The following PLXDC2 variants were observed in gnomAD, a reference collection of about 807,000 sequenced individuals.
PLXDC2 encodes plexin domain-containing protein 2.
PLXDC2 carries 40 observed loss-of-function variants against 68.9 expected under a neutral mutation model. The ratio of observed to expected loss-of-function variants is 0.58; its 90% CI spans 0.45 to 0.76. PLXDC2 has a LOEUF of 0.76. Among genes scored for constraint, PLXDC2 ranks in the 30% least tolerant of loss-of-function variants. PLXDC2 has a pLI of 0.00. For synonymous variants in PLXDC2, 243 were observed against 234.2 expected (o/e 1.04, Z -0.34); for missense variants, 644 against 661.9 (o/e 0.97, Z 0.30).
rs1479196027 is a variant in PLXDC2, at chr10:20,162,038, AAGAAAGAGAG to A, written c.784-2426_784-2417del. Among the ~76,000 whole-genome samples the A allele has an allele frequency of 8.5e-4, 37 of 43,466 alleles. 1 individual carries two copies. Among genetic ancestry groups the A allele is most frequent in the South Asian group, 2.3e-3 (4 of 1,736 alleles). The allele number at this position is 43,466 out of a possible 152,430, so 28.5% of individuals were successfully genotyped here. A position where few individuals can be genotyped will look rare whatever the true frequency, so the allele number is the denominator to read the frequency against. On this transcript the variant is annotated intron_variant, in intron 6 of 13. Coordinates refer to ENST00000377252, the MANE Select transcript of PLXDC2 (RefSeq NM_032812.9). ...ACTCTGTCAGAAAAAGAAAGAAAGA[AAGAAAGAGAG>A]AGAGAGAGAGAGAGAGAGAGAGAGA...
chr10:20,243,088 T>G (rs1835539245), intron 12 of PLXDC2, among the ~76,000 whole-genome samples: 1 of 152,324 alleles, frequency 6.6e-6, no homozygotes, highest in African/African-American at 2.4e-5. Flanking sequence ...CAGAATTATT[T>G]CCTAGAAGAA....
intron 6 of PLXDC2, among the ~76,000 whole-genome samples, chr10:20,160,404 A>G (rs1345792218): frequency 6.6e-6 from 1 of 151,764 alleles, no homozygotes; most frequent in East Asian, 1.9e-4. Flanking sequence ...CCTAACTTCT[A>G]CTCTCCTTAC....
chr10:20,233,844 A>G (rs141058043), intron 12 of PLXDC2, among the ~76,000 whole-genome samples: 15 of 152,188 alleles, frequency 9.9e-5, no homozygotes, highest in African/African-American at 3.4e-4. Context: ...AGAGGCAGGC[A>G]TGGTCTAACT....
At chr10:19,967,312 A>C (rs955647198) in intron 1 of PLXDC2, among the ~76,000 whole-genome samples, 1 of 152,196 alleles carries the variant, frequency 6.6e-6, no homozygotes. Flanking sequence ...CCTAGAACAC[A>C]GAAAGATGGT....
At position 20,279,742 on chromosome 10, in the gene PLXDC2, G is replaced by A; in HGVS notation, c.1513G>A (p.Gly505Ser). ...ATGGCCTGCGATGAAGTTTAGAAGA[G>A]GCTCTGGACATCCTGCCTATGCTGA... The part of the protein sequence containing the change: ...SRWPAMKFRR[G>S]SGHPAYAEVE... Residue 505 changes from glycine to serine, a missense_variant, in exon 14 of 14, where the codon GGC (glycine) becomes AGC (serine). This residue lies in a region of PLXDC2 where 330 missense variants were observed against 327.9 expected (regional missense o/e 1.01). Transcript: ENST00000377252. 2 of 1,613,950 alleles carry A rather than the reference G, an allele frequency of 1.2e-6. No individual in the cohort carries two copies. The highest frequency in any genetic ancestry group is 1.7e-6 in the Non-Finnish European group (2 of 1,179,932).
intron 13 of PLXDC2, 136 bp downstream of exon 13, chr10:20,245,641 A>G: frequency 3.0e-6 from 3 of 999,222 alleles, no homozygotes; most frequent in African/African-American, 3.3e-5. Context: ...ACACACATGG[A>G]TGTTGTCCCC....
intron 2 of PLXDC2, among the ~76,000 whole-genome samples, chr10:20,041,785 A>G (rs972221187): frequency 6.6e-6 from 1 of 152,158 alleles, no homozygotes; most frequent in Non-Finnish European, 1.5e-5. Flanking sequence ...TTGGGTTCTT[A>G]GTGAGGGCTC....
chr10:20,186,931 C>G (rs140064889), intron 9 of PLXDC2, among the ~76,000 whole-genome samples: 2 of 151,764 alleles, frequency 1.3e-5, no homozygotes, highest in Non-Finnish European at 1.5e-5. Flanking sequence ...GGTATATACC[C>G]AGTAATGGGA....
At chr10:19,931,276 C>A (rs138029549) in intron 1 of PLXDC2, among the ~76,000 whole-genome samples, 6 of 152,210 alleles carry the variant, frequency 3.9e-5, no homozygotes, top group Non-Finnish European at 8.8e-5. Flanking sequence ...TTTCAGCTTC[C>A]AGTGTGCACT....
chr10:19,946,550 G>A (rs77053665), intron 1 of PLXDC2, among the ~76,000 whole-genome samples: 1 of 151,342 alleles, frequency 6.6e-6, no homozygotes, highest in South Asian at 2.1e-4. Context: ...ATCCTGGATT[G>A]ATCTAGTGGG....
At chr10:20,215,876 G>A (rs1003446296) in intron 10 of PLXDC2, among the ~76,000 whole-genome samples, 1 of 152,130 alleles carries the variant, frequency 6.6e-6, no homozygotes, top group Non-Finnish European at 1.5e-5. Flanking sequence ...TGGGATTGCA[G>A]TTTTAGGTAA....
At chr10:20,031,081 G>A (rs975265012) in intron 2 of PLXDC2, among the ~76,000 whole-genome samples, 2 of 152,106 alleles carry the variant, frequency 1.3e-5, no homozygotes, top group African/African-American at 2.4e-5. Flanking sequence ...GTGTGGAATA[G>A]AAAGAATTGG....
chr10:20,091,244 C>T (rs1317960023), intron 4 of PLXDC2, among the ~76,000 whole-genome samples: 1 of 152,272 alleles, frequency 6.6e-6, no homozygotes, highest in East Asian at 1.9e-4. Context: ...TTCTCACCAC[C>T]AGCATACCTT....
intron 2 of PLXDC2, among the ~76,000 whole-genome samples, chr10:20,029,997 G>A (rs1835472640): frequency 6.6e-6 from 1 of 152,082 alleles, no homozygotes; most frequent in Non-Finnish European, 1.5e-5. Flanking sequence ...TATTTAGAAA[G>A]CAGTAGGAAG....
chr10:20,151,718 C>A (rs928036929), intron 6 of PLXDC2, among the ~76,000 whole-genome samples: 1 of 152,006 alleles, frequency 6.6e-6, no homozygotes, highest in African/African-American at 2.4e-5. Flanking sequence ...AGAGGTATTC[C>A]TACTTCATTT....
chr10:20,181,061 G>A (rs757994751), intron 9 of PLXDC2, among the ~76,000 whole-genome samples: 8 of 152,034 alleles, frequency 5.3e-5, no homozygotes, highest in Non-Finnish European at 1.2e-4. Context: ...TAAGCAAATA[G>A]ATATATAGAA....
Position 20,126,689 on chromosome 10 carries a change from AACACACGTTATATATGTATATATAAC to A in PLXDC2, c.542-16583_542-16558del, listed in dbSNP as rs1564325230. 2.1e-3 allele frequency among the ~76,000 whole-genome samples: 216 copies of A among 102,454 alleles called. 90 individuals carry two copies. Among genetic ancestry groups the A allele is most frequent in the African/African-American group, 7.2e-3 (184 of 25,468 alleles). 67.2% of individuals were successfully genotyped at this position (102,454 alleles called of 152,430 possible). A position where few individuals can be genotyped will look rare whatever the true frequency, so the allele number is the denominator to read the frequency against. On this transcript the variant is annotated intron_variant, in intron 4 of 13. Coordinates refer to ENST00000377252, the MANE Select transcript of PLXDC2 (RefSeq NM_032812.9). Reference sequence around the variant, plus strand: ...TAACACACGTTATATATGTATATATAACACACGTTATATATGTATATATAACACACACGTTATATATGTATATAGAA... The same window carrying A: ...TAACACACGTTATATATGTATATATAACACACGTTATATATGTATATAGAA...
chr10:20,110,631 G>A (rs939074021), intron 4 of PLXDC2, among the ~76,000 whole-genome samples: 3 of 152,094 alleles, frequency 2.0e-5, no homozygotes, highest in Non-Finnish European at 4.4e-5. Context: ...GCTCGGCTCT[G>A]AACGCCGGTC....
intron 1 of PLXDC2, among the ~76,000 whole-genome samples, chr10:19,858,174 G>A (rs1411131675): frequency 6.6e-6 from 1 of 152,080 alleles, no homozygotes; most frequent in African/African-American, 2.4e-5. Context: ...TGATTTCTGG[G>A]GACAAATTTT....
Sources: allele counts gnomAD v4.1 joint callset (sites outside exome capture counted in the v4.1 genomes callset), GRCh38; gene constraint gnomAD v4.1.1; regional missense constraint gnomAD v4.1.1; transcripts MANE v1.5; gene names NCBI Gene and HGNC (gene_info 2026-07-23, HGNC 2026-07-21).